Variants in DDX4 observed in about 807,000 individuals in gnomAD.
DDX4 encodes probable ATP-dependent RNA helicase DDX4.
In DDX4, 25 loss-of-function variants were observed where a neutral mutation model predicts 100.0. That is an observed-to-expected ratio of 0.25 (90% CI 0.18 to 0.35). The LOEUF (loss-of-function observed/expected upper bound fraction) is 0.35, where lower values mean the gene tolerates loss of function less well. DDX4 is among the 10% of genes least tolerant of loss of function. The pLI, the probability that DDX4 is intolerant of heterozygous loss-of-function variation, is 1.00. For missense variants in DDX4, 635 were observed against 882.4 expected (o/e 0.72, Z 3.55); for synonymous variants, 259 against 275.7 (o/e 0.94, Z 0.60).
chr5:55,780,370 C>G (rs1374358273), intron 8 of DDX4, among the ~76,000 whole-genome samples: 1 of 152,124 alleles, frequency 6.6e-6, no homozygotes, highest in Admixed American at 6.5e-5. Flanking sequence ...AGGTGACCTT[C>G]TATGTGGCTT....
chr5:55,750,962 A>G (rs1216426106), intron 3 of DDX4, among the ~76,000 whole-genome samples: 1 of 152,206 alleles, frequency 6.6e-6, no homozygotes, highest in Non-Finnish European at 1.5e-5. Flanking sequence ...CTGTTACCAT[A>G]GGATGGGCAT....
At chr5:55,814,766 A>T in intron 19 of DDX4, 135 bp from the exon 20 acceptor site, 1 of 882,438 alleles carries the variant, frequency 1.1e-6, no homozygotes, top group Non-Finnish European at 1.7e-6. Flanking sequence ...CTGGGGTTAC[A>T]GGTGTGAGCC....
intron 6 of DDX4, chr5:55,767,007 T>G: frequency 6.6e-7 from 1 of 1,513,110 alleles, no homozygotes; most frequent in Non-Finnish European, 8.8e-7. Context: ...TCTCTCATAC[T>G]ACTATTTTAA....
chr5:55,752,354 C>T (rs1434705478), intron 3 of DDX4, among the ~76,000 whole-genome samples: 2 of 127,992 alleles, frequency 1.6e-5, no homozygotes, highest in East Asian at 4.9e-4. Context: ...CCACAACAGT[C>T]CCCAGAGTGT....
At chr5:55,779,630 TTTAA>T (rs1424358423) in intron 7 of DDX4, among the ~76,000 whole-genome samples, 5 of 152,210 alleles carry the variant, frequency 3.3e-5, no homozygotes, top group African/African-American at 7.2e-5. Context: ...CTAGGATTTA[TTTAA>T]TTCTTTTGTG....
intron 18 of DDX4, among the ~76,000 whole-genome samples, chr5:55,807,470 C>T (rs1342569399): frequency 6.6e-6 from 1 of 152,176 alleles, no homozygotes; most frequent in Non-Finnish European, 1.5e-5. Flanking sequence ...CCGGTTATTC[C>T]TTTCCATGTT....
rs989590260 is a variant in DDX4, at chr5:55,764,202, C to T, written c.334+138C>T. 6 of 644,662 alleles carry T rather than the reference C, an allele frequency of 9.3e-6. No individual in the cohort carries two copies. The East Asian group carries it at 1.7e-4, about 18-fold the overall frequency. 39.9% of individuals were successfully genotyped at this position (644,662 alleles called of 1,614,324 possible). ...TTTTATGAAGTAGCTATATCCAAAG[C>T]CTTAACCAAGGATATTACTGCTTTG... On this transcript the variant is annotated intron_variant, in intron 6 of 21. Coordinates refer to ENST00000505374, the MANE Select transcript of DDX4 (RefSeq NM_024415.3).
intron 18 of DDX4, among the ~76,000 whole-genome samples, chr5:55,805,691 A>G (rs1448861640): frequency 1.3e-5 from 2 of 152,204 alleles, no homozygotes; most frequent in African/African-American, 4.8e-5. Context: ...ATCATGGTGG[A>G]TAAGCTTCTT....
intron 17 of DDX4, 51 bp downstream of exon 17, chr5:55,792,858 T>C (rs751608771): frequency 2.6e-5 from 28 of 1,080,190 alleles, no homozygotes; most frequent in East Asian, 1.8e-4. Context: ...TACATACTTT[T>C]ATCAAAGTGG....
chr5:55,806,896 C>CTTT lies in DDX4; in HGVS notation c.1616-6777_1616-6776insTTT, dbSNP rs1400278498. On this transcript the variant is annotated intron_variant, in intron 18 of 21. Transcript: ENST00000505374. The stretch of plus-strand genomic sequence containing the variant: ...GGATATCCTTGTTAACTTTCTGTCT[C>CTTT]GATCTGTCTAATGTTGACAGTGGGG... Among the ~76,000 whole-genome samples, 15 of 151,152 alleles carry CTTT rather than the reference C, an allele frequency of 9.9e-5. 1 individual carries two copies. The East Asian group carries it at 2.3e-3, about 24-fold the overall frequency.
chr5:55,782,475 G>GT (rs1013918199), intron 10 of DDX4: 1 of 155,214 alleles, frequency 6.4e-6, no homozygotes, highest in Non-Finnish European at 1.4e-5. Flanking sequence ...GTGTGTGCCT[G>GT]TAGTGCCAGC....
chr5:55,803,858 G>A (rs1346573883), intron 18 of DDX4, among the ~76,000 whole-genome samples: 1 of 152,080 alleles, frequency 6.6e-6, no homozygotes, highest in African/African-American at 2.4e-5. Context: ...GGGATGGCTG[G>A]GTCAAATGGT....
At chr5:55,763,359 G>A (rs972508122) in intron 5 of DDX4, 107 bp downstream of exon 5, 32 of 768,934 alleles carry the variant, frequency 4.2e-5, no homozygotes, top group Admixed American at 3.7e-4. Flanking sequence ...TAATTTCAAG[G>A]TATATATTCT....
chr5:55,768,327 T>G (rs1287267442), intron 7 of DDX4, among the ~76,000 whole-genome samples: 1 of 152,150 alleles, frequency 6.6e-6, no homozygotes, highest in Non-Finnish European at 1.5e-5. Flanking sequence ...GTTCCCTTCT[T>G]TGTGTCCATG....
rs138118321 is a variant in DDX4, at chr5:55,790,708, A to G, written c.1302+3A>G. 3.0e-4 allele frequency: 491 copies of G among 1,611,404 alleles called. 1 individual carries two copies. The African/African-American group carries it at 4.7e-3, about 15-fold the overall frequency. On this transcript the variant is annotated splice_donor_region_variant and intron_variant, in intron 16 of 21. Coordinates refer to ENST00000505374, the MANE Select transcript of DDX4 (RefSeq NM_024415.3). The stretch of plus-strand genomic sequence containing the variant: ...TGGATATCATAGGCAAAGAAAAGGT[A>G]CGCCTTATAGGAATAATGAAGTTGT...
intron 17 of DDX4, 146 bp downstream of exon 17, chr5:55,792,953 G>A (rs1428630110): frequency 2.4e-6 from 1 of 420,226 alleles, no homozygotes; most frequent in Non-Finnish European, 3.6e-6. Flanking sequence ...TTTCTAAAAC[G>A]TTTGCCACAT....
At chr5:55,807,967 G>C (rs1743857278) in intron 18 of DDX4, among the ~76,000 whole-genome samples, 3 of 152,208 alleles carry the variant, frequency 2.0e-5, no homozygotes, top group African/African-American at 7.2e-5. Context: ...ATCAGATGTA[G>C]ATATGGTCTT....
At chr5:55,805,209 TAAG>T (rs1200233124) in intron 18 of DDX4, among the ~76,000 whole-genome samples, 1 of 152,158 alleles carries the variant, frequency 6.6e-6, no homozygotes, top group Non-Finnish European at 1.5e-5. Flanking sequence ...CCTATCAGCT[TAAG>T]GAGATTTTGG....
intron 3 of DDX4, among the ~76,000 whole-genome samples, chr5:55,755,012 T>C (rs1432436390): frequency 6.6e-6 from 1 of 152,188 alleles, no homozygotes; most frequent in Admixed American, 6.5e-5. Context: ...AAATGTACCG[T>C]TGAATCCCTT....
Sources: gnomAD v4.1 joint callset for allele counts (sites outside exome capture counted in the v4.1 genomes callset) on GRCh38, gnomAD v4.1.1 for gene constraint, MANE v1.5 for transcripts, NCBI Gene and HGNC (gene_info 2026-07-23, HGNC 2026-07-21) for gene names.